Variants in RYR2 observed in about 807,000 individuals in gnomAD.
The protein encoded by RYR2 is cardiac muscle ryanodine receptor-calcium release channel.
Under a neutral mutation model 601.1 loss-of-function variants are expected in RYR2, and 227 were observed. The ratio of observed to expected loss-of-function variants is 0.38; its 90% CI spans 0.34 to 0.42. The LOEUF (loss-of-function observed/expected upper bound fraction) is 0.42. Ranked by LOEUF, RYR2 falls within the 10% of genes least tolerant of loss-of-function variation. RYR2 has a pLI of 1.00. For missense variants in RYR2, 4,646 were observed against 6,156.5 expected, an observed-to-expected ratio of 0.75 and a Z score of 8.21; for synonymous variants, 2,223 against 2,175.1, an observed-to-expected ratio of 1.02 and a Z score of -0.61.
intron 1 of RYR2, among the ~76,000 whole-genome samples, chr1:237,217,533 C>T (rs1683321867): frequency 1.3e-5 from 2 of 152,142 alleles, no homozygotes; most frequent in African/African-American, 4.8e-5. Flanking sequence ...TCTGTGCCTT[C>T]GTTTCCTTCT....
chr1:237,302,549 C>T (rs147560698), intron 2 of RYR2, among the ~76,000 whole-genome samples: 32 of 152,270 alleles, frequency 2.1e-4, no homozygotes, highest in Non-Finnish European at 3.2e-4. Context: ...CTGAATTATA[C>T]AGGATATTCC....
intron 1 of RYR2, among the ~76,000 whole-genome samples, chr1:237,256,217 C>T (rs1813697): frequency 0.66 from 99,916 of 151,978 alleles, 35,062 homozygotes; most frequent in South Asian, 0.84. Context: ...TTTTCTCTTG[C>T]CTGCCGCCGT....
intron 16 of RYR2, among the ~76,000 whole-genome samples, chr1:237,460,753 T>C (rs1200433350): frequency 1.3e-5 from 2 of 152,308 alleles, no homozygotes; most frequent in South Asian, 2.1e-4. Flanking sequence ...CATTCAGGCA[T>C]ATAGCAAGTG....
At chr1:237,108,458 C>T (rs899744021) in intron 1 of RYR2, among the ~76,000 whole-genome samples, 1 of 152,188 alleles carries the variant, frequency 6.6e-6, no homozygotes, top group Non-Finnish European at 1.5e-5. Context: ...GCTGATGTAC[C>T]GCAGAGGCCT....
At chr1:237,137,715 C>G (rs1400914191) in intron 1 of RYR2, among the ~76,000 whole-genome samples, 1 of 152,172 alleles carries the variant, frequency 6.6e-6, no homozygotes, top group Non-Finnish European at 1.5e-5. Context: ...TATTTGTCAT[C>G]TTTAGATTGA....
At chr1:237,583,860 C>T (rs1674205973) in intron 29 of RYR2, among the ~76,000 whole-genome samples, 1 of 152,166 alleles carries the variant, frequency 6.6e-6, no homozygotes, top group South Asian at 2.1e-4. Context: ...CTCCCCTCTG[C>T]TCTGGAGCAG....
chr1:237,545,037 TC>T (rs1403142690), intron 25 of RYR2, among the ~76,000 whole-genome samples: 1 of 152,178 alleles, frequency 6.6e-6, no homozygotes, highest in Admixed American at 6.5e-5. Flanking sequence ...ATTCTAAGCT[TC>T]AAATCCTTTC....
At chr1:237,044,728 C>T (rs1388213100) in intron 1 of RYR2, among the ~76,000 whole-genome samples, 1 of 151,404 alleles carries the variant, frequency 6.6e-6, no homozygotes, top group Non-Finnish European at 1.5e-5. Flanking sequence ...TGGAAATTCT[C>T]AAATCCTTTA....
chr1:237,669,187 T>C lies in RYR2; in HGVS notation c.8590+1229T>C, dbSNP rs189032354. On this transcript the variant is annotated intron_variant, in intron 58 of 104. Coordinates refer to ENST00000366574, the MANE Select transcript of RYR2 (RefSeq NM_001035.3). Reference sequence around the variant, plus strand: ...AATACATGTTTCAGAGAGCACAGGGTTGGGGGTAAGGTCACAGATCAACAG... The same window carrying C: ...AATACATGTTTCAGAGAGCACAGGGCTGGGGGTAAGGTCACAGATCAACAG... 4.2e-3 allele frequency among the ~76,000 whole-genome samples: 608 copies of C among 144,694 alleles called. 26 individuals are homozygous for C. Among genetic ancestry groups the C allele is most frequent in the Non-Finnish European group, 5.0e-3 (319 of 64,168 alleles). The allele number at this position is 144,694 out of a possible 152,430, so 94.9% of individuals were successfully genotyped here. A position where few individuals can be genotyped will look rare whatever the true frequency, so the allele number is the denominator to read the frequency against.
chr1:237,767,474 C>T (rs1226394987), intron 84 of RYR2, among the ~76,000 whole-genome samples: 3 of 152,172 alleles, frequency 2.0e-5, no homozygotes, highest in East Asian at 1.9e-4. Context: ...TTACTGGAAT[C>T]ATACTCTTTA....
At chr1:237,718,758 T>C (rs935579216) in intron 73 of RYR2, among the ~76,000 whole-genome samples, 3 of 152,196 alleles carry the variant, frequency 2.0e-5, no homozygotes, top group African/African-American at 7.2e-5. Flanking sequence ...TGTCATCAGT[T>C]GAAATACAGA....
chr1:237,196,739 T>A (rs568871243), intron 1 of RYR2, among the ~76,000 whole-genome samples: 1 of 152,290 alleles, frequency 6.6e-6, no homozygotes, highest in Admixed American at 6.5e-5. Context: ...AAGATGTTCC[T>A]AACTATTCCG....
chr1:237,804,240 C>T (rs912409161), intron 98 of RYR2, among the ~76,000 whole-genome samples: 1 of 151,774 alleles, frequency 6.6e-6, no homozygotes, highest in East Asian at 1.9e-4. Context: ...ACTTTTCCAA[C>T]TTGGTCTTGC....
chr1:237,576,956 A>G (rs1035632896), intron 29 of RYR2, among the ~76,000 whole-genome samples: 3 of 152,188 alleles, frequency 2.0e-5, no homozygotes, highest in Admixed American at 1.3e-4. Context: ...AAGACCTGAC[A>G]ATACTCAGCA....
intron 5 of RYR2, among the ~76,000 whole-genome samples, chr1:237,365,673 G>T (rs1448604633): frequency 6.6e-6 from 1 of 152,172 alleles, no homozygotes; most frequent in Non-Finnish European, 1.5e-5. Context: ...ATGATTTGGG[G>T]TTTGAGAAAA....
intron 84 of RYR2, among the ~76,000 whole-genome samples, chr1:237,763,818 T>C (rs1026551730): frequency 3.3e-5 from 5 of 152,230 alleles, no homozygotes; most frequent in African/African-American, 4.8e-5. Flanking sequence ...ATACAGACAC[T>C]TTTGGCATGT....
chr1:237,722,997 G>A lies in RYR2; in HGVS notation c.10555-131G>A, dbSNP rs142074156. 2,292 of 683,912 alleles carry A rather than the reference G, an allele frequency of 3.4e-3. 34 individuals carry two copies. The highest frequency in any genetic ancestry group is 0.026 in the East Asian group (996 of 38,926). The allele number at this position is 683,912 out of a possible 1,614,324, so 42.4% of individuals were successfully genotyped here. ...GTTCATCCTACATAACTGCAGCTGC[G>A]CGTCATGTCTTAACTGGTAAACACT... On this transcript the variant is annotated intron_variant, in intron 73 of 104. Transcript: ENST00000366574.
chr1:237,700,237 T>C lies in RYR2; in HGVS notation c.9137T>C (p.Met3046Thr), dbSNP rs1687848558. 1.9e-6 allele frequency: 3 copies of C among 1,560,190 alleles called. No individual in the cohort carries two copies. In the East Asian group the frequency reaches 7.1e-5, roughly 37 times the overall value. The part of the protein sequence containing the change: ...LGQTLDARTV[M>T]KTGLESVKSA... ...CCTTATTTACTTTCTAGGACAGTGA[T>C]GAAGACTGGCCTGGAGAGTGTTAAA... Residue 3046 changes from methionine to threonine, a missense_variant, in exon 65 of 105, where the codon ATG becomes ACG. This residue lies in a region of RYR2 where 1,497 missense variants were observed against 1,842.6 expected (regional missense o/e 0.81). Transcript: ENST00000366574.
chr1:237,406,946 A>G (rs1186065570), intron 10 of RYR2, among the ~76,000 whole-genome samples: 5 of 151,660 alleles, frequency 3.3e-5, no homozygotes, highest in Non-Finnish European at 4.4e-5. Flanking sequence ...TTGCAGTATC[A>G]CACACAATAA....
Sources: allele counts gnomAD v4.1 joint callset (sites outside exome capture counted in the v4.1 genomes callset), GRCh38; gene constraint gnomAD v4.1.1; regional missense constraint gnomAD v4.1.1; transcripts MANE v1.5; gene names NCBI Gene and HGNC (gene_info 2026-07-23, HGNC 2026-07-21).